Variants in CHM observed in about 807,000 individuals in gnomAD.
The protein encoded by CHM is rab proteins geranylgeranyltransferase component A 1.
A neutral mutation model predicts 49.0 loss-of-function variants in CHM; 10 were observed. The observed-to-expected ratio is 0.20, with a 90% CI of 0.13 to 0.35. The LOEUF (loss-of-function observed/expected upper bound fraction) is 0.35, where lower values mean the gene tolerates loss of function less well. Among genes scored for constraint, CHM ranks in the 10% least tolerant of loss-of-function variants. The pLI is 1.00. For missense variants in CHM, 455 were observed against 478.4 expected (o/e 0.95, Z 0.46); for synonymous variants, 184 against 167.5 (o/e 1.10, Z -0.76).
chrX:85,919,444 G>A (rs776587801), intron 8 of CHM, among the ~76,000 whole-genome samples: 25 of 110,798 alleles, frequency 2.3e-4, no homozygotes, highest in African/African-American at 8.2e-4. Context: ...ATTTTATGAA[G>A]TATTTTTAGG....
At chrX:86,015,639 A>C (rs1383941472) in intron 2 of CHM, among the ~76,000 whole-genome samples, 2 of 112,096 alleles carry the variant, frequency 1.8e-5, no homozygotes, top group Non-Finnish European at 1.9e-5. Flanking sequence ...AGTGATATGG[A>C]CAATAAGGTC....
intron 2 of CHM, among the ~76,000 whole-genome samples, chrX:86,010,191 TG>T (rs1216561581): frequency 4.8e-4 from 4 of 8,284 alleles, no homozygotes; most frequent in Non-Finnish European, 6.7e-4. Flanking sequence ...TGTAGAGGGG[TG>T]GGGGGGTAGG....
chrX:86,010,698 C>G (rs1260120687), intron 2 of CHM, among the ~76,000 whole-genome samples: 1 of 111,629 alleles, frequency 9.0e-6, no homozygotes, highest in East Asian at 2.8e-4. Flanking sequence ...ATGCTTCTAG[C>G]CTATTCAAAA....
At chrX:86,000,513 CAAAAAAAAAAA>C (rs754600557) in intron 2 of CHM, among the ~76,000 whole-genome samples, 2 of 58,891 alleles carry the variant, frequency 3.4e-5, no homozygotes, top group Non-Finnish European at 6.0e-5. Context: ...GGAATATATT[CAAAAAAAAAAA>C]AAAAAAAAAG....
intron 2 of CHM, among the ~76,000 whole-genome samples, chrX:85,989,445 A>G (rs1469957726): frequency 1.8e-5 from 2 of 112,137 alleles, no homozygotes; most frequent in African/African-American, 6.5e-5. Flanking sequence ...ATGGGCAAAG[A>G]TTTCATAACA....
chrX:86,010,863 C>T (rs1273851446), intron 2 of CHM, among the ~76,000 whole-genome samples: 1 of 111,773 alleles, frequency 8.9e-6, no homozygotes, highest in African/African-American at 3.3e-5. Context: ...AGTTTTGGCA[C>T]CAGTCCTGCT....
chrX:85,984,683 C>A (rs770479534), intron 2 of CHM, among the ~76,000 whole-genome samples: 1 of 111,777 alleles, frequency 8.9e-6, no homozygotes, highest in South Asian at 3.7e-4. Context: ...TAGCCCCAAA[C>A]TGATAATAAT....
intron 2 of CHM, among the ~76,000 whole-genome samples, chrX:86,022,685 T>C (rs1052890642): frequency 2.7e-5 from 3 of 111,006 alleles, no homozygotes; most frequent in African/African-American, 9.8e-5. Context: ...AATGCCCAAA[T>C]CTCTTATCTC....
intron 5 of CHM, 103 bp downstream of exon 5, chrX:85,963,562 C>T: frequency 1.6e-6 from 1 of 627,734 alleles, no homozygotes; most frequent in Non-Finnish European, 2.5e-6. Flanking sequence ...TGGCTACTAT[C>T]TCTTTACAAA....
chrX:85,906,381 T>C (rs1352140218), intron 9 of CHM, among the ~76,000 whole-genome samples: 1 of 112,350 alleles, frequency 8.9e-6, no homozygotes, highest in Non-Finnish European at 1.9e-5. Flanking sequence ...TTAATAGTTA[T>C]TGTTAGCTAA....
chrX:86,000,783 G>A (rs914576523), intron 2 of CHM, among the ~76,000 whole-genome samples: 18 of 110,925 alleles, frequency 1.6e-4, no homozygotes, highest in East Asian at 1.1e-3. Context: ...CTCATATGTC[G>A]GAGCTAAAAC....
chrX:86,037,394 G>A (rs1934293729), intron 1 of CHM, among the ~76,000 whole-genome samples: 1 of 111,103 alleles, frequency 9.0e-6, no homozygotes, highest in Non-Finnish European at 1.9e-5. Flanking sequence ...TGGAATTACA[G>A]GTGTGAGCCA....
At chrX:85,976,422 A>G (rs181294923) in intron 4 of CHM, among the ~76,000 whole-genome samples, 29 of 111,384 alleles carry the variant, frequency 2.6e-4, no homozygotes, top group African/African-American at 9.2e-4. Flanking sequence ...GGAGATCGAG[A>G]CCATCCTGCC....
At chrX:85,895,279 G>A (rs768678534) in intron 11 of CHM, among the ~76,000 whole-genome samples, 2 of 105,908 alleles carry the variant, frequency 1.9e-5, no homozygotes, top group Non-Finnish European at 3.9e-5. Flanking sequence ...AGGATTACAG[G>A]CATGCATTAC....
At chrX:85,934,462 CCCATCCTGTGT>C (rs1277722902) in intron 8 of CHM, among the ~76,000 whole-genome samples, 5 of 80,684 alleles carry the variant, frequency 6.2e-5, no homozygotes, top group African/African-American at 4.7e-5. Flanking sequence ...TGTGATGTTC[CCCATCCTGTGT>C]CCATCCTGTG....
chrX:86,017,731 T>A (rs1459628067), intron 2 of CHM, among the ~76,000 whole-genome samples: 1 of 110,858 alleles, frequency 9.0e-6, no homozygotes, highest in African/African-American at 3.3e-5. Flanking sequence ...CACAAAATAG[T>A]CTTTAAAGAA....
At chrX:86,016,916 G>A (rs1432158272) in intron 2 of CHM, among the ~76,000 whole-genome samples, 1 of 112,471 alleles carries the variant, frequency 8.9e-6, no homozygotes, top group Non-Finnish European at 1.9e-5. Context: ...GTACCCTGCA[G>A]AGTTACAGGG....
chrX:85,979,266 G>A (rs1931460333), intron 3 of CHM, among the ~76,000 whole-genome samples: 2 of 111,046 alleles, frequency 1.8e-5, no homozygotes, highest in South Asian at 7.6e-4. Flanking sequence ...TAAAAACAGG[G>A]CCTTTTTTTT....
At chrX:85,966,179 GTC>G (rs1052206017) in intron 4 of CHM, among the ~76,000 whole-genome samples, 39 of 109,647 alleles carry the variant, frequency 3.6e-4, no homozygotes, top group African/African-American at 1.2e-3. Context: ...GTGAAACCTA[GTC>G]TCTACTAAAA....
Sources: allele counts gnomAD v4.1 joint callset (sites outside exome capture counted in the v4.1 genomes callset), GRCh38; gene constraint gnomAD v4.1.1; transcripts MANE v1.5; gene names NCBI Gene and HGNC (gene_info 2026-07-23, HGNC 2026-07-21).